The following PARP8 variants were observed in gnomAD, a reference collection of about 807,000 sequenced individuals.
The protein encoded by PARP8 is protein mono-ADP-ribosyltransferase PARP8.
PARP8 carries 51 observed loss-of-function variants against 124.1 expected under a neutral mutation model. That is an observed-to-expected ratio of 0.41 (90% CI 0.33 to 0.52). The LOEUF is 0.52. PARP8 is among the 20% of genes least tolerant of loss of function. PARP8 has a pLI of 0.21. For missense variants in PARP8, 860 were observed against 1,018.9 expected, an observed-to-expected ratio of 0.84 and a Z score of 2.12; for synonymous variants, 391 against 361.5, an observed-to-expected ratio of 1.08 and a Z score of -0.93.
intron 15 of PARP8, among the ~76,000 whole-genome samples, chr5:50,820,371 G>A (rs1392758906): frequency 6.6e-6 from 1 of 152,096 alleles, no homozygotes; most frequent in Non-Finnish European, 1.5e-5. Context: ...GTCTGTTCAG[G>A]TGAACTCTGA....
At chr5:50,793,161 G>C (rs1305152154) in intron 10 of PARP8, among the ~76,000 whole-genome samples, 1 of 151,806 alleles carries the variant, frequency 6.6e-6, no homozygotes, top group African/African-American at 2.4e-5. Flanking sequence ...TAACATTTCT[G>C]TTTTACTCTG....
chr5:50,709,898 A>C (rs1385076078), intron 2 of PARP8, among the ~76,000 whole-genome samples: 1 of 133,462 alleles, frequency 7.5e-6, no homozygotes, highest in African/African-American at 2.8e-5. Flanking sequence ...GGGAGAGACT[A>C]TGAGAATATG....
chr5:50,724,387 G>A (rs6450359), intron 2 of PARP8, among the ~76,000 whole-genome samples: 137,123 of 152,140 alleles, frequency 0.9, 61,854 homozygotes, highest in East Asian at 1. Context: ...TTCCTTTTAA[G>A]TGACACAGTG....
chr5:50,729,206 T>C (rs931245028), intron 2 of PARP8, among the ~76,000 whole-genome samples: 5 of 152,172 alleles, frequency 3.3e-5, no homozygotes, highest in African/African-American at 1.2e-4. Flanking sequence ...CTCATTGTTA[T>C]AGGAACTCTG....
chr5:50,812,899 G>A (rs1744628331), intron 14 of PARP8, among the ~76,000 whole-genome samples: 1 of 152,108 alleles, frequency 6.6e-6, no homozygotes, highest in African/African-American at 2.4e-5. Context: ...AGATCAGATG[G>A]TTGTAGATGT....
intron 14 of PARP8, among the ~76,000 whole-genome samples, chr5:50,808,649 A>G (rs1390871050): frequency 6.6e-6 from 1 of 152,054 alleles, no homozygotes; most frequent in Non-Finnish European, 1.5e-5. Flanking sequence ...CTGTGAAATT[A>G]CAGCTATCCG....
At chr5:50,787,878 G>A (rs185360725) in intron 9 of PARP8, among the ~76,000 whole-genome samples, 4 of 148,920 alleles carry the variant, frequency 2.7e-5, no homozygotes, top group Non-Finnish European at 4.5e-5. Flanking sequence ...TTTAGTTACC[G>A]ATTTAAACAT....
intron 14 of PARP8, among the ~76,000 whole-genome samples, chr5:50,799,356 G>A (rs1452581412): frequency 2.6e-5 from 4 of 152,148 alleles, no homozygotes; most frequent in Admixed American, 1.3e-4. Flanking sequence ...TGGCACCCTC[G>A]TTGAAAATTA....
At chr5:50,803,183 A>G (rs954552483) in intron 14 of PARP8, among the ~76,000 whole-genome samples, 9 of 152,166 alleles carry the variant, frequency 5.9e-5, no homozygotes, top group Non-Finnish European at 1.2e-4. Context: ...GTGGTTTCCC[A>G]TGAAAAATGA....
intron 14 of PARP8, among the ~76,000 whole-genome samples, chr5:50,800,273 T>A (rs1261913562): frequency 6.6e-6 from 1 of 152,236 alleles, no homozygotes; most frequent in African/African-American, 2.4e-5. Flanking sequence ...TATTTTTGCA[T>A]GTTAATCTTT....
chr5:50,743,524 A>G (rs1270459983), intron 2 of PARP8, among the ~76,000 whole-genome samples: 1 of 152,108 alleles, frequency 6.6e-6, no homozygotes, highest in Non-Finnish European at 1.5e-5. Flanking sequence ...TGAAGAGTAA[A>G]GAAGACAGAA....
chr5:50,727,550 G>T (rs1354224806), intron 2 of PARP8, among the ~76,000 whole-genome samples: 2 of 152,112 alleles, frequency 1.3e-5, no homozygotes, highest in East Asian at 1.9e-4. Context: ...CTTGTTTTTA[G>T]TTAATTTTGA....
intron 2 of PARP8, among the ~76,000 whole-genome samples, chr5:50,735,196 G>T (rs943585635): frequency 1.3e-5 from 2 of 151,994 alleles, no homozygotes; most frequent in African/African-American, 4.8e-5. Context: ...TATTTGCATG[G>T]CCTACAAATA....
At chr5:50,774,356 G>A (rs1406844254) in intron 7 of PARP8, among the ~76,000 whole-genome samples, 3 of 152,058 alleles carry the variant, frequency 2.0e-5, no homozygotes, top group African/African-American at 7.2e-5. Context: ...CTGTCTCTTC[G>A]GAGCTGTTGG....
chr5:50,753,176 A>G (rs1305836964), intron 3 of PARP8, among the ~76,000 whole-genome samples: 1 of 152,002 alleles, frequency 6.6e-6, no homozygotes, highest in Non-Finnish European at 1.5e-5. Context: ...TGTGTATATT[A>G]CAAGTCACAG....
chr5:50,807,359 G>A (rs747956584), intron 14 of PARP8, among the ~76,000 whole-genome samples: 5 of 151,902 alleles, frequency 3.3e-5, no homozygotes, highest in African/African-American at 7.3e-5. Flanking sequence ...TCTGCGTAAC[G>A]CTCACATTAA....
rs539942175 is a variant in PARP8, at chr5:50,821,853, G to A, written c.1795-482G>A. On this transcript the variant is annotated intron_variant, in intron 16 of 25. Coordinates refer to ENST00000281631, the MANE Select transcript of PARP8 (RefSeq NM_024615.4). Reference sequence around the variant, plus strand: ...TTATTTCTTCATAAATGGCAACAGCGCACATATTTAGATCTTGCTTGAAAA... The same window carrying A: ...TTATTTCTTCATAAATGGCAACAGCACACATATTTAGATCTTGCTTGAAAA... Among the ~76,000 whole-genome samples, 26 of 152,266 alleles carry A rather than the reference G, an allele frequency of 1.7e-4. No individual in the cohort carries two copies. In the South Asian group the frequency reaches 2.9e-3, roughly 17 times the overall value.
chr5:50,779,419 G>A (rs970010980), intron 9 of PARP8, among the ~76,000 whole-genome samples: 3 of 152,148 alleles, frequency 2.0e-5, no homozygotes, highest in Non-Finnish European at 4.4e-5. Context: ...TCACTGGGTT[G>A]GATACACACA....
In PARP8 at chr5:50,809,919, G is replaced by A. The variant is rs77814323; in HGVS notation, c.1576-5513G>A. Among the ~76,000 whole-genome samples, 841 of 152,138 alleles carry A rather than the reference G, an allele frequency of 5.5e-3. 6 individuals are homozygous for A. The highest frequency in any genetic ancestry group is 0.019 in the African/African-American group (788 of 41,530). ...AGTTGTATTATTTCTATTACCAGTA[G>A]AGGGTAATTTAAATTCATGGAAAAC... On this transcript the variant is annotated intron_variant, in intron 14 of 25. Coordinates refer to ENST00000281631, the MANE Select transcript of PARP8 (RefSeq NM_024615.4).
Sources: gnomAD v4.1 joint callset for allele counts (sites outside exome capture counted in the v4.1 genomes callset) on GRCh38, gnomAD v4.1.1 for gene constraint, MANE v1.5 for transcripts, NCBI Gene and HGNC (gene_info 2026-07-23, HGNC 2026-07-21) for gene names.